The following SPTBN5 variants were observed in gnomAD, a reference collection of about 807,000 sequenced individuals.
SPTBN5 encodes spectrin beta, non-erythrocytic 5.
In SPTBN5, 513 loss-of-function variants were observed where a neutral mutation model predicts 477.6. The observed-to-expected ratio is 1.07, with a 90% CI of 1.00 to 1.16. The LOEUF (loss-of-function observed/expected upper bound fraction) is 1.16, where lower values mean the gene tolerates loss of function less well. SPTBN5 is among the 50% of genes most tolerant of loss of function. The pLI, the probability that SPTBN5 is intolerant of heterozygous loss-of-function variation, is 0.00. For synonymous variants in SPTBN5, 2,169 were observed against 2,011.7 expected, an observed-to-expected ratio of 1.08 and a Z score of -2.09; for missense variants, 5,062 against 4,731.8, an observed-to-expected ratio of 1.07 and a Z score of -2.05.
At chr15:41,876,747 G>A (rs1373842160) in intron 19 of SPTBN5, 62 bp downstream of exon 19, 7 of 1,605,914 alleles carry the variant, frequency 4.4e-6, no homozygotes, top group African/African-American at 1.3e-5. Context: ...GCCCTAGGGC[G>A]GCCGTCTGTG....
rs769053067 is a variant in SPTBN5, at chr15:41,892,920, G to C, written c.358C>G (p.Arg120Gly). ...LRVHFLENSS[R>G]ALAFLRAKVP... ...TTGGCCCTGAGGAAGGCCAGAGCTC[G>C]GCTGCTGTTCTCCAGGAAGTGCACA... The change falls in exon 3 of 68, where the codon CGA (arginine) becomes GGA (glycine). Residue 120 changes from arginine (R) to glycine (G), a missense_variant. Transcript: ENST00000320955. The C allele has an allele frequency of 6.2e-7, 1 of 1,605,206 alleles. No homozygotes were observed. Among genetic ancestry groups the C allele is most frequent in the Non-Finnish European group, 8.5e-7 (1 of 1,178,504 alleles).
In SPTBN5 at chr15:41,879,264, C is replaced by G. The variant is rs12708402; in HGVS notation, c.3178G>C (p.Val1060Leu). Residue 1060 changes from valine to leucine, a missense_variant, in exon 16 of 68, where the codon GTA becomes CTA. Transcript: ENST00000320955. ...CCACCACTGCGCTGGCCGTACTTTA[C>G]GACCACACTTTGGAGGAAGTGGACC... The part of the protein sequence containing the change: ...RRVHFLQSVV[V>L]KVEEPGYAES... 3.1e-6 allele frequency: 5 copies of G among 1,610,336 alleles called. No homozygotes were observed. Among genetic ancestry groups the G allele is most frequent in the Non-Finnish European group, 4.2e-6 (5 of 1,178,894 alleles).
chr15:41,875,394 C>T lies in SPTBN5; in HGVS notation c.4287+64G>A, dbSNP rs559129588. Reference sequence around the variant, plus strand: ...CAGAACACCCAGACTTCTCCCTCCCCGTTCTGTCCAGCCCAGCCAGGCCTC... The same window carrying T: ...CAGAACACCCAGACTTCTCCCTCCCTGTTCTGTCCAGCCCAGCCAGGCCTC... On this transcript the variant is annotated intron_variant, in intron 22 of 67. Coordinates refer to ENST00000320955, the MANE Select transcript of SPTBN5 (RefSeq NM_016642.4). The T allele has an allele frequency of 6.2e-5, 95 of 1,536,710 alleles. 1 individual carries two copies. The South Asian group carries it at 8.4e-4, about 14-fold the overall frequency.
chr15:41,856,080 T>C (rs1038144341), intron 53 of SPTBN5, among the ~76,000 whole-genome samples: 1 of 152,288 alleles, frequency 6.6e-6, no homozygotes, highest in Non-Finnish European at 1.5e-5. Context: ...CTTCAGTTTT[T>C]CTTCCTTTAC....
rs1037156105 is a variant in SPTBN5 at position 41,885,753 on chromosome 15, C to T, written c.1502G>A (p.Trp501Ter). 2 of 1,556,962 alleles carry T rather than the reference C, an allele frequency of 1.3e-6. No individual in the cohort carries two copies. Among genetic ancestry groups the T allele is most frequent in the African/African-American group, 1.4e-5 (1 of 73,552 alleles). Residue 501 changes from tryptophan to a stop codon, truncating the protein, a stop_gained, in exon 7 of 68, where the codon TGG becomes TAG. Coordinates refer to ENST00000320955, the MANE Select transcript of SPTBN5 (RefSeq NM_016642.4). LOFTEE classifies it high-confidence loss of function. Reference sequence around the variant, plus strand: ...GGCTCACCTGCGGGCCACATCTGCCCAGCTGTGGTACTGCTCCTGCCGGAG... The same window carrying T: ...GGCTCACCTGCGGGCCACATCTGCCTAGCTGTGGTACTGCTCCTGCCGGAG... ...DILRQEQYHS[W>*]ADVARRQEEV...
chr15:41,890,116 G>A lies in SPTBN5; in HGVS notation c.474C>T (p.Phe158=), dbSNP rs746773966. ...TGTCCAAGGAGATGTGGGAGATCTGGAAACGCAGAATGATGACCCAGATGA... is the reference window on the plus strand; with the variant it reads ...TGTCCAAGGAGATGTGGGAGATCTGAAAACGCAGAATGATGACCCAGATGA... The part of the protein sequence containing the change: ...LGLIWVIILR[F]QISHISLDKE... The change falls in exon 4 of 68, where the codon TTC becomes TTT. Residue 158 remains phenylalanine (F), a synonymous_variant. Coordinates refer to ENST00000320955, the MANE Select transcript of SPTBN5 (RefSeq NM_016642.4). 2 of 1,612,530 alleles carry A rather than the reference G, an allele frequency of 1.2e-6. No homozygotes were observed. Among genetic ancestry groups the A allele is most frequent in the African/African-American group, 1.3e-5 (1 of 74,900 alleles).
rs1162540350 is a variant in SPTBN5, at chr15:41,879,443, A to T, written c.2999T>A (p.Val1000Glu). ...REKAVQLAHS[V>E]EVCSFLQECG... ...CTCCTGCAGAAAACTGCACACTTCC[A>T]CACTGTGTGCCAGCTGCACGGCCTT... Residue 1000 changes from valine (V) to glutamate (E), a missense_variant, in exon 16 of 68, where the codon GTG becomes GAG. Val to Glu is a moderately radical substitution (Grantham distance 121, BLOSUM62 -2). Transcript: ENST00000320955. The T allele has an allele frequency of 6.2e-7, 1 of 1,606,618 alleles. No individual in the cohort carries two copies.
In SPTBN5 at chr15:41,870,497, C is replaced by CTCG. The variant is rs770405726; in HGVS notation, c.5508_5510dup (p.Thr1836_Glu1837insAsp). The stretch of plus-strand genomic sequence containing the variant: ...GATCTCTGTGAACTCTGAGGGTGGT[C>CTCG]TCGGTGTCTCGGAGCGCGTGGCCTC... On this transcript the variant is annotated inframe_insertion, in exon 30 of 68. Coordinates refer to ENST00000320955, the MANE Select transcript of SPTBN5 (RefSeq NM_016642.4). The CTCG allele has an allele frequency of 1.9e-6, 3 of 1,613,196 alleles. No individual in the cohort carries two copies. The Admixed American group carries it at 5.0e-5, about 27-fold the overall frequency.
In SPTBN5 at chr15:41,854,809, C is replaced by T. The variant is rs771032115; in HGVS notation, c.9591G>A (p.Leu3197=). The T allele has an allele frequency of 5.7e-6, 9 of 1,568,696 alleles. No homozygotes were observed. The Admixed American group carries it at 9.5e-5, about 17-fold the overall frequency. ...RSRIEAAWER[L]DQAIKARTEN... Reference sequence around the variant, plus strand: ...CTGTGCGGGCTTTTATTGCTTGGTCCAACCTCTCCCAAGCAGCCTCAATGC... The same window carrying T: ...CTGTGCGGGCTTTTATTGCTTGGTCTAACCTCTCCCAAGCAGCCTCAATGC... Residue 3197 remains leucine (L), a synonymous_variant, in exon 56 of 68, where the codon TTG becomes TTA. Coordinates refer to ENST00000320955, the MANE Select transcript of SPTBN5 (RefSeq NM_016642.4).
chr15:41,856,551 C>T lies in SPTBN5; in HGVS notation c.8856G>A (p.Val2952=). ...MSSHEALTRV[V]LGTGYKLVQA... ...GCACCAGCTTGTACCCAGTGCCCAG[C>T]ACCACCCGGGTCAGAGCCTCGTGGC... is the stretch of plus-strand genomic sequence containing the variant. The change falls in exon 53 of 68, where the codon GTG becomes GTA. Residue 2952 remains valine (V), a synonymous_variant. Transcript: ENST00000320955. 2 of 1,601,712 alleles carry T rather than the reference C, an allele frequency of 1.2e-6. No homozygotes were observed. Among genetic ancestry groups the T allele is most frequent in the Non-Finnish European group, 1.7e-6 (2 of 1,176,900 alleles).
At position 41,871,538 on chromosome 15, in the gene SPTBN5, G is replaced by A. The variant is rs1427079897; in HGVS notation, c.5302-18C>T. ...CAGAGGTGCTGAGAAGAGGGGAGTG[G>A]GTGACAGGGTAGCCCCCAGCTGGTT... is the stretch of plus-strand genomic sequence containing the variant. On this transcript the variant is annotated intron_variant, in intron 28 of 67. Coordinates refer to ENST00000320955, the MANE Select transcript of SPTBN5 (RefSeq NM_016642.4). 2 of 1,460,180 alleles carry A rather than the reference G, an allele frequency of 1.4e-6. No individual in the cohort carries two copies. The highest frequency in any genetic ancestry group is 1.4e-5 in the South Asian group (1 of 69,646). 90.5% of individuals were successfully genotyped at this position (1,460,180 alleles called of 1,614,324 possible). A position where few individuals can be genotyped will look rare whatever the true frequency, so the allele number is the denominator to read the frequency against.
In SPTBN5 at chr15:41,850,947, C is replaced by CA; in HGVS notation, c.10836-9_10836-8insT. The CA allele has an allele frequency of 1.9e-6, 3 of 1,596,690 alleles. No homozygotes were observed. The highest frequency in any genetic ancestry group is 2.6e-6 in the Non-Finnish European group (3 of 1,172,034). On this transcript the variant is annotated splice_polypyrimidine_tract_variant and intron_variant, in intron 65 of 67. Coordinates refer to ENST00000320955, the MANE Select transcript of SPTBN5 (RefSeq NM_016642.4). Reference sequence around the variant, plus strand: ...TCTGCCCCACTGGTCAGCCTGGCACCCACAGTCACAGGTCAAACTCCACTG... The same window carrying CA: ...TCTGCCCCACTGGTCAGCCTGGCACCACACAGTCACAGGTCAAACTCCACTG...
chr15:41,853,931 A>G, intron 57 of SPTBN5, 119 bp downstream of exon 57: 1 of 1,444,200 alleles, frequency 6.9e-7, no homozygotes, highest in Non-Finnish European at 9.2e-7. Flanking sequence ...TCGGGGAAGG[A>G]TCTGGGTTTC....
chr15:41,882,795 G>T (rs2067017080), intron 9 of SPTBN5, 57 bp from the exon 10 acceptor site: 1 of 1,569,274 alleles, frequency 6.4e-7, no homozygotes. Context: ...ATGGGCAGTG[G>T]GTTCCCCTCC....
At chr15:41,850,823 G>T in intron 66 of SPTBN5, 31 bp downstream of exon 66, 2 of 1,552,050 alleles carry the variant, frequency 1.3e-6, no homozygotes, top group Non-Finnish European at 8.7e-7. Flanking sequence ...GGAGTCGGCC[G>T]CCCTCCCCGC....
At chr15:41,851,514 AG>A in intron 63 of SPTBN5, 145 bp from the exon 64 acceptor site, 1 of 451,664 alleles carries the variant, frequency 2.2e-6, no homozygotes. Flanking sequence ...GAAGCCACAG[AG>A]GGGCTCTGAC....
rs1365092146 is a variant in SPTBN5 at position 41,852,943 on chromosome 15, C to T, written c.10228G>A (p.Ala3410Thr). ...TCGGCACAGCGTTGCCAGCGCAGGG[C>T]CCAAGCCTCCTCCAGCTCCTGCAGC... ...GRLQELEEAW[A>T]LRWQRCAESW... is the part of the protein sequence containing the mutation. Residue 3410 changes from alanine (A) to threonine (T), a missense_variant, in exon 60 of 68, where the codon GCC (alanine) becomes ACC (threonine). Physicochemically the swap from Ala to Thr is moderately conservative, Grantham distance 58 (BLOSUM62 0). Transcript: ENST00000320955. The T allele has an allele frequency of 6.3e-7, 1 of 1,578,702 alleles. No homozygotes were observed. The highest frequency in any genetic ancestry group is 8.6e-7 in the Non-Finnish European group (1 of 1,163,266).
chr15:41,880,266 C>G lies in SPTBN5; in HGVS notation c.2705G>C (p.Cys902Ser). The G allele has an allele frequency of 6.2e-7, 1 of 1,607,754 alleles. No individual in the cohort carries two copies. The highest frequency in any genetic ancestry group is 1.1e-5 in the South Asian group (1 of 89,616). The change falls in exon 14 of 68, where the codon TGC becomes TCC. Residue 902 changes from cysteine to serine, a missense_variant. Coordinates refer to ENST00000320955, the MANE Select transcript of SPTBN5 (RefSeq NM_016642.4). ...CAACTGGAGCTCCCCACAGGAACTGCAGAAACCGAACAGGGCCATGGCCTC... is the reference window on the plus strand; with the variant it reads ...CAACTGGAGCTCCCCACAGGAACTGGAGAAACCGAACAGGGCCATGGCCTC... ...LEEAMALFGF[C>S]SSCGELQLWL...
chr15:41,879,778 C>A lies in SPTBN5; in HGVS notation c.2898G>T (p.Gly966=). 1 of 1,614,034 alleles carries A rather than the reference C, an allele frequency of 6.2e-7. No individual in the cohort carries two copies. Among genetic ancestry groups the A allele is most frequent in the Admixed American group, 1.7e-5 (1 of 60,028 alleles). ...GCTGTCGTTGGATTTGTGTGGAGTT[C>A]CCAGGATATCTCTGCCTCAGTTGCT... ...SAEQLRQRYP[G]NSTQIQRQQE... Residue 966 remains glycine (G), a synonymous_variant, in exon 15 of 68, where the codon GGG becomes GGT. Coordinates refer to ENST00000320955, the MANE Select transcript of SPTBN5 (RefSeq NM_016642.4).
Sources: allele counts gnomAD v4.1 joint callset (sites outside exome capture counted in the v4.1 genomes callset), GRCh38; gene constraint gnomAD v4.1.1; transcripts MANE v1.5; gene names NCBI Gene and HGNC (gene_info 2026-07-23, HGNC 2026-07-21).